BRF2: variants seen among roughly 807,000 people sequenced by gnomAD.
BRF2 encodes the protein BRF2 general transcription factor IIIB subunit.
BRF2 carries 17 observed loss-of-function variants against 26.6 expected under a neutral mutation model. That is an observed-to-expected ratio of 0.64 (90% CI 0.44 to 0.96). The LOEUF (loss-of-function observed/expected upper bound fraction) is 0.96, where lower values mean the gene tolerates loss of function less well. Among genes scored for constraint, BRF2 ranks in the 40% least tolerant of loss-of-function variants. The pLI, the probability that BRF2 is intolerant of heterozygous loss-of-function variation, is 0.00. For missense variants in BRF2, 515 were observed against 537.0 expected (o/e 0.96, Z 0.40); for synonymous variants, 219 against 226.6 (o/e 0.97, Z 0.30).
Position 37,844,563 on chromosome 8 carries a change from G to C in BRF2, c.1187C>G (p.Pro396Arg). 1 of 1,614,072 alleles carries C rather than the reference G, an allele frequency of 6.2e-7. No individual in the cohort carries two copies. The highest frequency in any genetic ancestry group is 8.5e-7 in the Non-Finnish European group (1 of 1,180,016). Reference protein sequence around the residue: ...DSEIEQYLRTPQEVRDFQRAQ... With the variant: ...DSEIEQYLRTRQEVRDFQRAQ... ...TCTCTGAAAGTCCCTAACTTCCTGAGGGGTACGCAAATACTGTTCTATTTC... is the reference window on the plus strand; with the variant it reads ...TCTCTGAAAGTCCCTAACTTCCTGACGGGTACGCAAATACTGTTCTATTTC... Residue 396 changes from proline to arginine, a missense_variant, in exon 4 of 4, where the codon CCT becomes CGT. Pro to Arg is a moderately radical substitution (Grantham distance 103, BLOSUM62 -2). Transcript: ENST00000220659.
rs1805967893 is a variant in BRF2 at position 37,846,863 on chromosome 8, T to C, written c.527A>G (p.Tyr176Cys). The C allele has an allele frequency of 6.2e-7, 1 of 1,611,614 alleles. No individual in the cohort carries two copies. Among genetic ancestry groups the C allele is most frequent in the Admixed American group, 1.7e-5 (1 of 59,972 alleles). The change falls in exon 3 of 4, where the codon TAT becomes TGT. Residue 176 changes from tyrosine to cysteine, a missense_variant. Physicochemically the swap from Tyr to Cys is radical, Grantham distance 194 (BLOSUM62 -2). Coordinates refer to ENST00000220659, the MANE Select transcript of BRF2 (RefSeq NM_018310.4). The stretch of plus-strand genomic sequence containing the variant: ...CCCACCAGGGACGTACCTGCTGCAA[T>C]AGGTCTTCACCAGTTCTGCCAAGCA... Reference protein sequence around the residue: ...SLCLAELVKTYCSSFKLFQAS... With the variant: ...SLCLAELVKTCCSSFKLFQAS...
rs760012086 is a variant in BRF2 at position 37,848,664 on chromosome 8, T to C, written c.155-9A>G. Reference sequence around the variant, plus strand: ...TCGGGAATATGTTACCTCTGTAAGATAATAAACAACAAATAGTGTGCTTAG... The same window carrying C: ...TCGGGAATATGTTACCTCTGTAAGACAATAAACAACAAATAGTGTGCTTAG... On this transcript the variant is annotated splice_polypyrimidine_tract_variant and intron_variant, in intron 1 of 3. Coordinates refer to ENST00000220659, the MANE Select transcript of BRF2 (RefSeq NM_018310.4). The C allele has an allele frequency of 3.5e-5, 57 of 1,612,154 alleles. No individual in the cohort carries two copies. The highest frequency in any genetic ancestry group is 4.7e-5 in the Non-Finnish European group (55 of 1,178,270).
In BRF2 at chr8:37,844,735, C is replaced by G. The variant is rs1805918870; in HGVS notation, c.1015G>C (p.Gly339Arg). Reference sequence around the variant, plus strand: ...TGGGGTAAACCTAAGGAATTATTTCCCACCTCCCCTTCTCCTTGCCCCTGT... The same window carrying G: ...TGGGGTAAACCTAAGGAATTATTTCGCACCTCCCCTTCTCCTTGCCCCTGT... ...WGQGQGEGEV[G>R]NNSLGLPQGK... Residue 339 changes from glycine (G) to arginine (R), a missense_variant, in exon 4 of 4, where the codon GGA becomes CGA. Physicochemically the swap from Gly to Arg is moderately radical, Grantham distance 125. Coordinates refer to ENST00000220659, the MANE Select transcript of BRF2 (RefSeq NM_018310.4). The G allele has an allele frequency of 6.2e-7, 1 of 1,613,918 alleles. No individual in the cohort carries two copies. The highest frequency in any genetic ancestry group is 8.5e-7 in the Non-Finnish European group (1 of 1,180,028).
chr8:37,844,686 GCAGGA>G lies in BRF2; in HGVS notation c.1059_1063del (p.Ala355SerfsTer26), dbSNP rs1372303147. 1 of 1,614,108 alleles carries G rather than the reference GCAGGA, an allele frequency of 6.2e-7. No individual in the cohort carries two copies. The highest frequency in any genetic ancestry group is 1.3e-5 in the African/African-American group (1 of 75,034). ...CAACATGCAGGGTGGCAAGAGAAGG[GCAGGA>G]CTGGCCGGCCGCTTCCCCTGGGGTA... On this transcript the variant is annotated frameshift_variant, in exon 4 of 4. Coordinates refer to ENST00000220659, the MANE Select transcript of BRF2 (RefSeq NM_018310.4). LOFTEE classifies it high-confidence loss of function.
intron 2 of BRF2, 100 bp from the exon 3 acceptor site, chr8:37,847,275 T>G: frequency 1.0e-6 from 1 of 954,584 alleles, no homozygotes; most frequent in South Asian, 1.3e-5. Flanking sequence ...TAAACTTGCC[T>G]CAGATATCAG....
Position 37,849,655 on chromosome 8 carries a change from G to A in BRF2, c.129C>T (p.Thr43=), listed in dbSNP as rs1806031697. ...CVVTEGVLTT[T]FSDEGNLREV... is the part of the protein sequence containing the mutation. ...CTCGGAGATTGCCCTCGTCGCTGAA[G>A]GTAGTGGTAAGGACCCCCTCGGTGA... is the stretch of plus-strand genomic sequence containing the variant. Residue 43 remains threonine, a synonymous_variant, in exon 1 of 4, where the codon ACC becomes ACT. Transcript: ENST00000220659. The A allele has an allele frequency of 1.2e-6, 2 of 1,613,492 alleles. No individual in the cohort carries two copies. Among genetic ancestry groups the A allele is most frequent in the Non-Finnish European group, 8.5e-7 (1 of 1,179,868 alleles).
rs1273151020 is a variant in BRF2 at position 37,844,983 on chromosome 8, A to T, written c.767T>A (p.Val256Glu). 6.2e-7 allele frequency: 1 copy of T among 1,614,030 alleles called. No homozygotes were observed. Among genetic ancestry groups the T allele is most frequent in the African/African-American group, 1.3e-5 (1 of 75,052 alleles). Residue 256 changes from valine (V) to glutamate (E), a missense_variant, in exon 4 of 4, where the codon GTG (valine) becomes GAG (glutamate). Coordinates refer to ENST00000220659, the MANE Select transcript of BRF2 (RefSeq NM_018310.4). Reference sequence around the variant, plus strand: ...GGAGGACGCCGGGTAGGGCAGGTCCACATTTGCCAATTTACAAAATCGGGC... The same window carrying T: ...GGAGGACGCCGGGTAGGGCAGGTCCTCATTTGCCAATTTACAAAATCGGGC... ...SLARFCKLAN[V>E]DLPYPASSRL... is the part of the protein sequence containing the mutation.
chr8:37,847,081 G>C lies in BRF2; in HGVS notation c.309C>G (p.His103Gln). Residue 103 changes from histidine to glutamine, a missense_variant, in exon 3 of 4, where the codon CAC becomes CAG. Transcript: ENST00000220659. ...AVAYYQQAYRHSGIRAARLQK... is the reference protein window; with the variant it reads ...AVAYYQQAYRQSGIRAARLQK... ...GCAGCCTGGCCGCTCGGATGCCAGA[G>C]TGCCGATATGCCTGTTGGTAGTAGG... 6.2e-7 allele frequency: 1 copy of C among 1,614,224 alleles called. No homozygotes were observed. Among genetic ancestry groups the C allele is most frequent in the Non-Finnish European group, 8.5e-7 (1 of 1,180,044 alleles).
chr8:37,844,907 G>A lies in BRF2; in HGVS notation c.843C>T (p.Ala281=). 6.2e-7 allele frequency: 1 copy of A among 1,614,170 alleles called. No homozygotes were observed. The highest frequency in any genetic ancestry group is 1.1e-5 in the South Asian group (1 of 91,082). Residue 281 remains alanine (A), a synonymous_variant, in exon 4 of 4, where the codon GCC becomes GCT. Coordinates refer to ENST00000220659, the MANE Select transcript of BRF2 (RefSeq NM_018310.4). The stretch of plus-strand genomic sequence containing the variant: ...TGTCAAGTCTCAGAACTCGTAACCA[G>A]GCCAGCTGCTCAGCCATCCGCAGCA... ...AVLLRMAEQL[A]WLRVLRLDKR...
Position 37,844,262 on chromosome 8 carries a change from G to C in BRF2, c.*228C>G. The C allele has an allele frequency of 1.8e-6, 1 of 563,512 alleles. No homozygotes were observed. The highest frequency in any genetic ancestry group is 3.2e-6 in the Non-Finnish European group (1 of 314,122). The allele number at this position is 563,512 out of a possible 1,614,324, so 34.9% of individuals were successfully genotyped here. A position where few individuals can be genotyped will look rare whatever the true frequency, so the allele number is the denominator to read the frequency against. Reference sequence around the variant, plus strand: ...GCCATCTCACAGAACATGGACATAGGCAACTTGCTCTCCCACACCAAGGGA... The same window carrying C: ...GCCATCTCACAGAACATGGACATAGCCAACTTGCTCTCCCACACCAAGGGA... On this transcript the variant is annotated 3_prime_UTR_variant, in exon 4 of 4. Transcript: ENST00000220659.
intron 2 of BRF2, among the ~76,000 whole-genome samples, chr8:37,848,232 G>A (rs899506362): frequency 7.4e-5 from 11 of 149,462 alleles, no homozygotes; most frequent in Admixed American, 3.4e-4. Flanking sequence ...TTACAGGCAT[G>A]AGCCACCGCG....
chr8:37,848,681 T>C (rs1806010174), intron 1 of BRF2, 26 bp from the exon 2 acceptor site: 1 of 1,600,656 alleles, frequency 6.2e-7, no homozygotes, highest in Non-Finnish European at 8.6e-7. Context: ...CAACAAATAG[T>C]GTGCTTAGCC....
chr8:37,846,919 C>T lies in BRF2; in HGVS notation c.471G>A (p.Val157=). 1 of 1,614,172 alleles carries T rather than the reference C, an allele frequency of 6.2e-7. No homozygotes were observed. The highest frequency in any genetic ancestry group is 8.5e-7 in the Non-Finnish European group (1 of 1,180,010). ...DVFSSTYMQI[V]KLLGLDVPSL... ...ATGGCACATCCAGTCCCAGGAGCTT[C>T]ACTATCTGCATGTAAGTGCTAGAAA... Residue 157 remains valine, a synonymous_variant, in exon 3 of 4, where the codon GTG becomes GTA. Coordinates refer to ENST00000220659, the MANE Select transcript of BRF2 (RefSeq NM_018310.4).
Position 37,844,569 on chromosome 8 carries a change from C to A in BRF2, c.1181G>T (p.Arg394Leu), listed in dbSNP as rs144896527. Residue 394 changes from arginine to leucine, a missense_variant, in exon 4 of 4, where the codon CGT becomes CTT. Physicochemically the swap from Arg to Leu is moderately radical, Grantham distance 102. Coordinates refer to ENST00000220659, the MANE Select transcript of BRF2 (RefSeq NM_018310.4). Reference protein sequence around the residue: ...ISDSEIEQYLRTPQEVRDFQR... With the variant: ...ISDSEIEQYLLTPQEVRDFQR... The stretch of plus-strand genomic sequence containing the variant: ...AAAGTCCCTAACTTCCTGAGGGGTA[C>A]GCAAATACTGTTCTATTTCACTATC... 2.5e-6 allele frequency: 4 copies of A among 1,613,874 alleles called. No homozygotes were observed. Among genetic ancestry groups the A allele is most frequent in the African/African-American group, 1.3e-5 (1 of 74,864 alleles).
Position 37,845,039 on chromosome 8 carries a change from C to A in BRF2, c.711G>T (p.Leu237=). Residue 237 remains leucine (L), a synonymous_variant, in exon 4 of 4, where the codon CTG becomes CTT. Transcript: ENST00000220659. ...AACATGAAAGCCGATCTGCAGGCTG[C>A]AGCGACTGCCAAGCCAGGAAAGTCG... ...TAATFLAWQS[L]QPADRLSCSL... 1 of 1,613,908 alleles carries A rather than the reference C, an allele frequency of 6.2e-7. No homozygotes were observed. Among genetic ancestry groups the A allele is most frequent in the Non-Finnish European group, 8.5e-7 (1 of 1,180,020 alleles).
chr8:37,847,928 T>TTTTTTATTA (rs1221256401), intron 2 of BRF2, among the ~76,000 whole-genome samples: 2 of 84,000 alleles, frequency 2.4e-5, no homozygotes, highest in South Asian at 3.1e-4. Context: ...ATAGTTTTCT[T>TTTTTTATTA]TTATTATTAT....
chr8:37,844,569 C>G lies in BRF2; in HGVS notation c.1181G>C (p.Arg394Pro), dbSNP rs144896527. The G allele has an allele frequency of 2.0e-5, 32 of 1,613,874 alleles. No homozygotes were observed. Among genetic ancestry groups the G allele is most frequent in the Non-Finnish European group, 2.7e-5 (32 of 1,180,022 alleles). ...AAAGTCCCTAACTTCCTGAGGGGTA[C>G]GCAAATACTGTTCTATTTCACTATC... ...ISDSEIEQYLRTPQEVRDFQR... is the reference protein window; with the variant it reads ...ISDSEIEQYLPTPQEVRDFQR... Residue 394 changes from arginine to proline, a missense_variant, in exon 4 of 4, where the codon CGT becomes CCT. By Grantham distance (103) the Arg-to-Pro change is moderately radical. Transcript: ENST00000220659.
At chr8:37,847,203 AG>A (rs772409807) in intron 2 of BRF2, 28 bp from the exon 3 acceptor site, 2 of 1,601,394 alleles carry the variant, frequency 1.2e-6, no homozygotes, top group Non-Finnish European at 1.7e-6. Context: ...CAAGAGTTAG[AG>A]GGGTCAAAGG....
chr8:37,846,131 T>C (rs1805951989), intron 3 of BRF2, among the ~76,000 whole-genome samples: 1 of 152,074 alleles, frequency 6.6e-6, no homozygotes, highest in African/African-American at 2.4e-5. Flanking sequence ...GGTAGAACGC[T>C]TGAGTCCAGG....
Sources: allele counts gnomAD v4.1 joint callset (sites outside exome capture counted in the v4.1 genomes callset), GRCh38; gene constraint gnomAD v4.1.1; transcripts MANE v1.5; gene names NCBI Gene and HGNC (gene_info 2026-07-23, HGNC 2026-07-21).